ALG10: variants seen among roughly 807,000 people sequenced by gnomAD.
ALG10 encodes ALG10 alpha-1,2-glucosyltransferase.
Under a neutral mutation model 39.2 loss-of-function variants are expected in ALG10, and 25 were observed. The ratio of observed to expected loss-of-function variants is 0.64; its 90% CI spans 0.46 to 0.89. The LOEUF is 0.89. Among genes scored for constraint, ALG10 ranks in the 40% least tolerant of loss-of-function variants. The pLI, the probability that ALG10 is intolerant of heterozygous loss-of-function variation, is 0.00. For missense variants in ALG10, 486 were observed against 546.6 expected (o/e 0.89, Z 1.11); for synonymous variants, 184 against 193.9 (o/e 0.95, Z 0.42).
chr12:34,024,168 C>G lies in ALG10; in HGVS notation c.369+9C>G. 6.2e-7 allele frequency: 1 copy of G among 1,613,224 alleles called. No individual in the cohort carries two copies. The highest frequency in any genetic ancestry group is 1.3e-5 in the African/African-American group (1 of 74,978). ...TACAACCCAGAAACAAGGTATGTTTCAAAATACTTAATTACAAGTTTATGT... is the reference window on the plus strand; with the variant it reads ...TACAACCCAGAAACAAGGTATGTTTGAAAATACTTAATTACAAGTTTATGT... On this transcript the variant is annotated intron_variant, in intron 2 of 2. Transcript: ENST00000266483.
chr12:34,026,388 C>G lies in ALG10; in HGVS notation c.895C>G (p.Leu299Val), dbSNP rs751885807. The G allele has an allele frequency of 6.2e-7, 1 of 1,613,888 alleles. No homozygotes were observed. The highest frequency in any genetic ancestry group is 2.2e-5 in the East Asian group (1 of 44,862). ...ACTATTCTACTTTTTTTCATTTACTCTCTTTTTTTCCTTTCCTCATCTCCT... is the reference window on the plus strand; with the variant it reads ...ACTATTCTACTTTTTTTCATTTACTGTCTTTTTTTCCTTTCCTCATCTCCT... Reference protein sequence around the residue: ...PQLFYFFSFTLFFSFPHLLSP... With the variant: ...PQLFYFFSFTVFFSFPHLLSP... The change falls in exon 3 of 3, where the codon CTC becomes GTC. Residue 299 changes from leucine to valine, a missense_variant. Physicochemically the swap from Leu to Val is conservative, Grantham distance 32. Coordinates refer to ENST00000266483, the MANE Select transcript of ALG10 (RefSeq NM_032834.4).
rs199743090 is a variant in ALG10, at chr12:34,024,058, G to C, written c.268G>C (p.Val90Leu). The C allele has an allele frequency of 1.2e-6, 2 of 1,614,016 alleles. No individual in the cohort carries two copies. The highest frequency in any genetic ancestry group is 3.3e-5 in the Admixed American group (2 of 60,002). ...GATCTTTGGATGGTCTGAACATGTTGTCTGCTCCATTGGGATGCTCAGATT... is the reference window on the plus strand; with the variant it reads ...GATCTTTGGATGGTCTGAACATGTTCTCTGCTCCATTGGGATGCTCAGATT... ...IWIFGWSEHV[V>L]CSIGMLRFVN... is the part of the protein sequence containing the mutation. The change falls in exon 2 of 3, where the codon GTC (valine) becomes CTC (leucine). Residue 90 changes from valine (V) to leucine (L), a missense_variant. Transcript: ENST00000266483.
chr12:34,026,922 T>G lies in ALG10; in HGVS notation c.*7T>G. On this transcript the variant is annotated 3_prime_UTR_variant, in exon 3 of 3. Transcript: ENST00000266483. ...TCAAAGGTTTATGTGGTAATATCAG[T>G]GATATTTCGAACTGTGAAAATGGAC... is the stretch of plus-strand genomic sequence containing the variant. 1 of 1,612,314 alleles carries G rather than the reference T, an allele frequency of 6.2e-7. No homozygotes were observed. Among genetic ancestry groups the G allele is most frequent in the Non-Finnish European group, 8.5e-7 (1 of 1,179,012 alleles).
chr12:34,022,874 A>G, intron 1 of ALG10, 104 bp downstream of exon 1: 2 of 1,514,906 alleles, frequency 1.3e-6, no homozygotes, highest in Non-Finnish European at 9.0e-7. Context: ...CACCCCCTCA[A>G]GCCTCAGAAC....
In ALG10 at chr12:34,028,243, C is replaced by T. The variant is rs1382717398; in HGVS notation, c.*1328C>T. The T allele has an allele frequency of 6.6e-6, 1 of 152,030 alleles. No homozygotes were observed. The highest frequency in any genetic ancestry group is 2.4e-5 in the African/African-American group (1 of 41,380). The allele number at this position is 152,030 out of a possible 1,614,324, so 9.4% of individuals were successfully genotyped here. Reference sequence around the variant, plus strand: ...TATATACTTATGAGAAACAAAGTGGCATTATGATTTTTGAATATAATGTGG... The same window carrying T: ...TATATACTTATGAGAAACAAAGTGGTATTATGATTTTTGAATATAATGTGG... On this transcript the variant is annotated 3_prime_UTR_variant, in exon 3 of 3. Transcript: ENST00000266483.
intron 1 of ALG10, chr12:34,023,158 T>A (rs2120685983): frequency 5.2e-6 from 1 of 193,496 alleles, no homozygotes; most frequent in Middle Eastern, 2.2e-3. Context: ...ATTTTAGGGG[T>A]GGGATAGGGT....
At position 34,026,132 on chromosome 12, in the gene ALG10, A is replaced by G. The variant is rs763625318; in HGVS notation, c.639A>G (p.Leu213=). ...TAACGGAGGCTTGGAAAACTGAGCT[A>G]CAAAAGAAGGAAGACAGACTTCCAC... is the stretch of plus-strand genomic sequence containing the variant. ...QKLTEAWKTE[L]QKKEDRLPPI... is the part of the protein sequence containing the mutation. The change falls in exon 3 of 3, where the codon CTA becomes CTG. Residue 213 remains leucine, a synonymous_variant. Coordinates refer to ENST00000266483, the MANE Select transcript of ALG10 (RefSeq NM_032834.4). 23 of 1,614,006 alleles carry G rather than the reference A, an allele frequency of 1.4e-5. No homozygotes were observed. The highest frequency in any genetic ancestry group is 1.9e-5 in the Non-Finnish European group (23 of 1,179,972).
rs1284647342 is a variant in ALG10, at chr12:34,026,987, G to T, written c.*72G>T. The T allele has an allele frequency of 1.3e-6, 2 of 1,507,000 alleles. No individual in the cohort carries two copies. The highest frequency in any genetic ancestry group is 4.2e-5 in the Admixed American group (2 of 47,834). The allele number at this position is 1,507,000 out of a possible 1,614,324, so 93.4% of individuals were successfully genotyped here. On this transcript the variant is annotated 3_prime_UTR_variant, in exon 3 of 3. Coordinates refer to ENST00000266483, the MANE Select transcript of ALG10 (RefSeq NM_032834.4). ...ATTTCTACAAAGAACAACTGAATAGGTGGAAAACATGGAATTTCTTTTAGG... is the reference window on the plus strand; with the variant it reads ...ATTTCTACAAAGAACAACTGAATAGTTGGAAAACATGGAATTTCTTTTAGG...
upstream of ALG10, chr12:34,022,402 C>G (rs975040184): frequency 3.6e-6 from 3 of 822,016 alleles, no homozygotes; most frequent in African/African-American, 5.1e-5. Flanking sequence ...GGTCCGTTAT[C>G]TAAACCCGTC....
intron 2 of ALG10, among the ~76,000 whole-genome samples, chr12:34,024,504 C>T (rs1942810988): frequency 1.3e-5 from 2 of 152,132 alleles, no homozygotes; most frequent in South Asian, 4.1e-4. Context: ...TTAGGGAAAA[C>T]AGACTTTACC....
chr12:34,023,162 A>C (rs554383290), intron 1 of ALG10: 1 of 194,554 alleles, frequency 5.1e-6, no homozygotes, highest in African/African-American at 2.3e-5. Flanking sequence ...TAGGGGTGGG[A>C]TAGGGTGGAC....
chr12:34,022,860 GT>G (rs1245746746), intron 1 of ALG10, 90 bp downstream of exon 1: 1 of 1,566,516 alleles, frequency 6.4e-7, no homozygotes, highest in African/African-American at 1.4e-5. Context: ...CACTCGTCCT[GT>G]TCCACCCCCT....
In ALG10 at chr12:34,026,759, T is replaced by C. The variant is rs1942837788; in HGVS notation, c.1266T>C (p.Tyr422=). The C allele has an allele frequency of 6.2e-7, 1 of 1,613,994 alleles. No homozygotes were observed. The highest frequency in any genetic ancestry group is 8.5e-7 in the Non-Finnish European group (1 of 1,179,896). Residue 422 remains tyrosine, a synonymous_variant, in exon 3 of 3, where the codon TAT becomes TAC. Transcript: ENST00000266483. ...LLEFRYFILP[Y]VIYRLNIPLP... ...AATTTCGTTACTTCATTTTACCTTA[T>C]GTCATTTATAGGCTTAACATACCTC...
rs1425418313 is a variant in ALG10 at position 34,028,199 on chromosome 12, A to C, written c.*1284A>C. 1 of 152,002 alleles carries C rather than the reference A, an allele frequency of 6.6e-6. No individual in the cohort carries two copies. The highest frequency in any genetic ancestry group is 1.5e-5 in the Non-Finnish European group (1 of 68,000). 9.4% of individuals were successfully genotyped at this position (152,002 alleles called of 1,614,324 possible). ...ACTACCTTTTTAGATTTTTTTTATT[A>C]TATATCAAATTATAGTTGTATATAC... is the stretch of plus-strand genomic sequence containing the variant. On this transcript the variant is annotated 3_prime_UTR_variant, in exon 3 of 3. Coordinates refer to ENST00000266483, the MANE Select transcript of ALG10 (RefSeq NM_032834.4).
chr12:34,027,980 C>G lies in ALG10; in HGVS notation c.*1065C>G, dbSNP rs1457984942. On this transcript the variant is annotated 3_prime_UTR_variant, in exon 3 of 3. Transcript: ENST00000266483. ...CTTCATTACCTTTTAAGGACAGTGT[C>G]TTTGAATGTAGGGCCCACCCTGATC... 6.6e-6 allele frequency: 1 copy of G among 152,130 alleles called. No individual in the cohort carries two copies. The highest frequency in any genetic ancestry group is 1.5e-5 in the Non-Finnish European group (1 of 68,030). 9.4% of individuals were successfully genotyped at this position (152,130 alleles called of 1,614,324 possible). A position where few individuals can be genotyped will look rare whatever the true frequency, so the allele number is the denominator to read the frequency against.
In ALG10 at chr12:34,022,675, G is replaced by A. The variant is rs981595700; in HGVS notation, c.76G>A (p.Ala26Thr). Residue 26 changes from alanine to threonine, a missense_variant, in exon 1 of 3, where the codon GCC (alanine) becomes ACC (threonine). Transcript: ENST00000266483. The part of the protein sequence containing the change: ...TFLVSCLLFS[A>T]FSRALREPYM... Reference sequence around the variant, plus strand: ...TTTAGTATCCTGCCTCCTCTTCTCCGCCTTCAGCCGGGCGTTGCGAGAGCC... The same window carrying A: ...TTTAGTATCCTGCCTCCTCTTCTCCACCTTCAGCCGGGCGTTGCGAGAGCC... 6.2e-7 allele frequency: 1 copy of A among 1,614,066 alleles called. No individual in the cohort carries two copies. The highest frequency in any genetic ancestry group is 8.5e-7 in the Non-Finnish European group (1 of 1,180,010).
Position 34,026,375 on chromosome 12 carries a change from T to A in ALG10, c.882T>A (p.Phe294Leu). The A allele has an allele frequency of 6.2e-7, 1 of 1,613,958 alleles. No individual in the cohort carries two copies. The highest frequency in any genetic ancestry group is 8.5e-7 in the Non-Finnish European group (1 of 1,179,948). The change falls in exon 3 of 3, where the codon TTT becomes TTA. Residue 294 changes from phenylalanine (F) to leucine (L), a missense_variant. Physicochemically the swap from Phe to Leu is conservative, Grantham distance 22. Coordinates refer to ENST00000266483, the MANE Select transcript of ALG10 (RefSeq NM_032834.4). ...ACLHFPQLFY[F>L]FSFTLFFSFP... ...TTCATTTTCCTCAACTATTCTACTT[T>A]TTTTCATTTACTCTCTTTTTTTCCT...
At chr12:34,022,826 C>T (rs887023725) in intron 1 of ALG10, 56 bp downstream of exon 1, 1 of 1,610,270 alleles carries the variant, frequency 6.2e-7, no homozygotes, top group African/African-American at 1.3e-5. Context: ...CCCAGCGTCC[C>T]CACGTCCTCC....
At chr12:34,022,401 T>C (rs1942785329), upstream of ALG10, 3 of 812,044 alleles carry the variant, frequency 3.7e-6, no homozygotes, top group African/African-American at 1.7e-5. Flanking sequence ...CGGTCCGTTA[T>C]CTAAACCCGT....
Sources: gnomAD v4.1 joint callset for allele counts (sites outside exome capture counted in the v4.1 genomes callset) on GRCh38, gnomAD v4.1.1 for gene constraint, MANE v1.5 for transcripts, NCBI Gene and HGNC (gene_info 2026-07-23, HGNC 2026-07-21) for gene names.